Variants in CHCHD3 observed in about 807,000 individuals in gnomAD.
CHCHD3 encodes MICOS complex subunit MIC19.
Under a neutral mutation model 38.2 loss-of-function variants are expected in CHCHD3, and 20 were observed. The ratio of observed to expected loss-of-function variants is 0.52; its 90% confidence interval spans 0.37 to 0.76. CHCHD3 has a LOEUF of 0.76. Among genes scored for constraint, CHCHD3 ranks in the 30% least tolerant of loss-of-function variants. The pLI, the probability that CHCHD3 is intolerant of heterozygous loss-of-function variation, is 0.00. For synonymous variants in CHCHD3, 82 were observed against 100.0 expected (o/e 0.82, Z 1.07); for missense variants, 245 against 279.2 (o/e 0.88, Z 0.87).
At chr7:133,002,253 AT>A (rs1812594811) in intron 3 of CHCHD3, among the ~76,000 whole-genome samples, 1 of 152,212 alleles carries the variant, frequency 6.6e-6, no homozygotes, top group Non-Finnish European at 1.5e-5. Context: ...ATGTTATCTT[AT>A]TTAATCTTCA....
At chr7:132,808,767 G>T (rs1806994124) in intron 6 of CHCHD3, among the ~76,000 whole-genome samples, 1 of 150,624 alleles carries the variant, frequency 6.6e-6, no homozygotes. Flanking sequence ...TAAGTTTTAG[G>T]GTACATGTGC....
intron 4 of CHCHD3, among the ~76,000 whole-genome samples, chr7:132,918,043 C>G (rs1276992364): frequency 6.6e-6 from 1 of 152,050 alleles, no homozygotes; most frequent in Non-Finnish European, 1.5e-5. Flanking sequence ...AGATTTAAGT[C>G]ATTTTGTCTA....
intron 4 of CHCHD3, among the ~76,000 whole-genome samples, chr7:132,912,831 A>C (rs1809984978): frequency 6.6e-6 from 1 of 152,256 alleles, no homozygotes; most frequent in Non-Finnish European, 1.5e-5. Context: ...CTGGGATTAC[A>C]GGCATGAGCC....
intron 7 of CHCHD3, among the ~76,000 whole-genome samples, chr7:132,790,770 T>C (rs1806439497): frequency 6.6e-6 from 1 of 151,958 alleles, no homozygotes; most frequent in African/African-American, 2.4e-5. Context: ...CTGATGTGGG[T>C]CGGGGAGAGA....
At chr7:132,804,463 G>A (rs114790266) in intron 6 of CHCHD3, among the ~76,000 whole-genome samples, 1,553 of 152,186 alleles carry the variant, frequency 0.01, 28 homozygotes, top group African/African-American at 0.035. Context: ...CGGGTGGTGC[G>A]AAGTTTGGTG....
intron 6 of CHCHD3, among the ~76,000 whole-genome samples, chr7:132,804,799 T>C (rs771993901): frequency 6.6e-6 from 1 of 152,206 alleles, no homozygotes; most frequent in Non-Finnish European, 1.5e-5. Flanking sequence ...ACTGAAAGAA[T>C]TGCAAATGTA....
At chr7:133,062,553 A>G (rs1222468820) in intron 2 of CHCHD3, among the ~76,000 whole-genome samples, 1 of 152,182 alleles carries the variant, frequency 6.6e-6, no homozygotes, top group Non-Finnish European at 1.5e-5. Context: ...TCTGTGAGAA[A>G]ATACAATCCA....
chr7:132,818,992 TAAATC>T (rs566621217), intron 6 of CHCHD3, among the ~76,000 whole-genome samples: 1 of 152,238 alleles, frequency 6.6e-6, no homozygotes, highest in Non-Finnish European at 1.5e-5. Flanking sequence ...AACAGCCAGA[TAAATC>T]AAACCATTAG....
rs372506290 is a variant in CHCHD3, at chr7:132,981,163, GT to G, written c.252-5878del. Among the ~76,000 whole-genome samples, 366 of 143,156 alleles carry G rather than the reference GT, an allele frequency of 2.6e-3. 1 individual carries two copies. Among genetic ancestry groups the G allele is most frequent in the African/African-American group, 8.0e-3 (312 of 39,042 alleles). The allele number at this position is 143,156 out of a possible 152,430, so 93.9% of individuals were successfully genotyped here. A position where few individuals can be genotyped will look rare whatever the true frequency, so the allele number is the denominator to read the frequency against. On this transcript the variant is annotated intron_variant, in intron 3 of 7. Transcript: ENST00000262570. The stretch of plus-strand genomic sequence containing the variant: ...ACCAAGCCTGGCTGATTTTTGGGTT[GT>G]TTTTTTTTTTGTGGAGACGAGGTTT...
chr7:132,785,592 T>C lies in CHCHD3; in HGVS notation c.*45A>G. ...TCTCACTAGGAAAAAAAATGTTCCATCTCTGGAATTAACGTTGATGGTGTT... is the reference window on the plus strand; with the variant it reads ...TCTCACTAGGAAAAAAAATGTTCCACCTCTGGAATTAACGTTGATGGTGTT... On this transcript the variant is annotated 3_prime_UTR_variant, in exon 8 of 8. Coordinates refer to ENST00000262570, the MANE Select transcript of CHCHD3 (RefSeq NM_017812.4). 6.2e-7 allele frequency: 1 copy of C among 1,603,360 alleles called. No individual in the cohort carries two copies. Among genetic ancestry groups the C allele is most frequent in the Non-Finnish European group, 8.5e-7 (1 of 1,170,622 alleles).
intron 6 of CHCHD3, among the ~76,000 whole-genome samples, chr7:132,828,922 T>C (rs766766869): frequency 2.6e-5 from 4 of 152,158 alleles, no homozygotes; most frequent in Non-Finnish European, 5.9e-5. Flanking sequence ...ATTGTTAACT[T>C]TGCATATCTG....
chr7:132,815,855 G>C (rs148292473), intron 6 of CHCHD3, among the ~76,000 whole-genome samples: 367 of 152,202 alleles, frequency 2.4e-3, no homozygotes, highest in African/African-American at 8.4e-3. Flanking sequence ...AAGGAAAAAT[G>C]CCTACTCATT....
chr7:132,821,429 T>C (rs1458130327), intron 6 of CHCHD3, among the ~76,000 whole-genome samples: 1 of 152,196 alleles, frequency 6.6e-6, no homozygotes, highest in East Asian at 1.9e-4. Flanking sequence ...TCAGTAAACA[T>C]TTTAACATGT....
At chr7:132,961,010 A>G (rs2343633) in intron 4 of CHCHD3, among the ~76,000 whole-genome samples, 30,733 of 152,042 alleles carry the variant, frequency 0.2, 3,385 homozygotes, top group South Asian at 0.25. Flanking sequence ...AGGATGCAGC[A>G]TCTCACACCT....
chr7:132,928,297 T>C (rs1810425421), intron 4 of CHCHD3, among the ~76,000 whole-genome samples: 1 of 152,184 alleles, frequency 6.6e-6, no homozygotes, highest in Admixed American at 6.5e-5. Flanking sequence ...AATATCAATA[T>C]CTGATTAGCA....
chr7:132,896,653 A>T (rs892703475), intron 4 of CHCHD3, among the ~76,000 whole-genome samples: 1 of 152,244 alleles, frequency 6.6e-6, no homozygotes, highest in Non-Finnish European at 1.5e-5. Context: ...TAACACAAGC[A>T]GTCTTATCTT....
chr7:132,790,679 C>T (rs1563235869), intron 7 of CHCHD3, among the ~76,000 whole-genome samples: 1 of 152,154 alleles, frequency 6.6e-6, no homozygotes, highest in East Asian at 1.9e-4. Context: ...AAACATGCTC[C>T]TGGGGGGCTT....
At chr7:132,822,825 C>T (rs1215555864) in intron 6 of CHCHD3, among the ~76,000 whole-genome samples, 1 of 130,788 alleles carries the variant, frequency 7.6e-6, no homozygotes, top group Non-Finnish European at 1.8e-5. Context: ...CCACCAAAAA[C>T]AAAACAAAAC....
chr7:133,034,860 T>C (rs749423520), intron 2 of CHCHD3: 3 of 1,610,322 alleles, frequency 1.9e-6, no homozygotes, highest in Middle Eastern at 1.7e-4. Context: ...GAAGGCATTC[T>C]TCCTCAGCTT....
Sources: gnomAD v4.1 joint callset for allele counts (sites outside exome capture counted in the v4.1 genomes callset) on GRCh38, gnomAD v4.1.1 for gene constraint, MANE v1.5 for transcripts, NCBI Gene and HGNC (gene_info 2026-07-23, HGNC 2026-07-21) for gene names.